Variants in JAK2 observed in about 807,000 individuals in gnomAD.
JAK2 encodes the protein tyrosine-protein kinase JAK2.
Under a neutral mutation model 139.3 loss-of-function variants are expected in JAK2, and 86 were observed. The ratio of observed to expected loss-of-function variants is 0.62; its 90% CI spans 0.52 to 0.74. The LOEUF (loss-of-function observed/expected upper bound fraction) is 0.74. JAK2 is among the 30% of genes least tolerant of loss of function. JAK2 has a pLI of 0.00. For missense variants in JAK2, 1,421 were observed against 1,360.3 expected (o/e 1.04, Z -0.70); for synonymous variants, 490 against 437.7 (o/e 1.12, Z -1.49).
intron 22 of JAK2, chr9:5,097,014 A>G (rs532551024): frequency 2.0e-5 from 3 of 152,212 alleles, no homozygotes; most frequent in Admixed American, 2.0e-4. Flanking sequence ...TTGCATCCTC[A>G]ATAGAAGCCG....
chr9:5,033,264 G>A (rs955590813), intron 4 of JAK2, among the ~76,000 whole-genome samples: 4 of 152,188 alleles, frequency 2.6e-5, no homozygotes, highest in South Asian at 2.1e-4. Context: ...CCAAATCTAC[G>A]TCTCATTGGT....
chr9:5,020,006 T>A (rs1416952402), intron 2 of JAK2, among the ~76,000 whole-genome samples: 1 of 152,116 alleles, frequency 6.6e-6, no homozygotes, highest in Non-Finnish European at 1.5e-5. Flanking sequence ...GGCAGTCCAA[T>A]TTTTGGGTCT....
At chr9:5,004,264 T>C (rs540311304) in intron 2 of JAK2, among the ~76,000 whole-genome samples, 1 of 152,286 alleles carries the variant, frequency 6.6e-6, no homozygotes, top group Non-Finnish European at 1.5e-5. Context: ...TCGTATCCTT[T>C]GACCAACGTC....
At chr9:5,017,579 G>C (rs960430231) in intron 2 of JAK2, among the ~76,000 whole-genome samples, 1 of 151,904 alleles carries the variant, frequency 6.6e-6, no homozygotes, top group African/African-American at 2.4e-5. Flanking sequence ...ATGTAATGTT[G>C]TTTGACATCT....
At position 5,094,511 on chromosome 9, in the gene JAK2, T is replaced by A. The variant is rs1346989252; in HGVS notation, c.3059+3600T>A. The stretch of plus-strand genomic sequence containing the variant: ...CAGACAATTTCATATGAAGTCACCC[T>A]AGCCATTATCCTGCTATCACTACTA... On this transcript the variant is annotated intron_variant, in intron 22 of 24. Transcript: ENST00000381652. The A allele has an allele frequency of 4.6e-5, 7 of 152,332 alleles. No individual in the cohort carries two copies. In the East Asian group the frequency reaches 1.3e-3, roughly 29 times the overall value. The allele number at this position is 152,332 out of a possible 1,614,324, so 9.4% of individuals were successfully genotyped here.
chr9:5,014,744 T>C (rs968250871), intron 2 of JAK2, among the ~76,000 whole-genome samples: 13 of 152,304 alleles, frequency 8.5e-5, no homozygotes, highest in African/African-American at 2.9e-4. Context: ...ATGTAACTTA[T>C]ATGAGAGTTA....
intron 22 of JAK2, among the ~76,000 whole-genome samples, chr9:5,118,665 G>A (rs755054145): frequency 2.6e-5 from 4 of 152,110 alleles, no homozygotes; most frequent in Admixed American, 1.3e-4. Context: ...AGATGTAAAC[G>A]CTGAGAAAAC....
intron 19 of JAK2, among the ~76,000 whole-genome samples, chr9:5,084,666 T>C (rs1338149547): frequency 6.6e-6 from 1 of 152,192 alleles, no homozygotes; most frequent in Non-Finnish European, 1.5e-5. Flanking sequence ...CATGCCCACA[T>C]ATACTTATAT....
intron 8 of JAK2, among the ~76,000 whole-genome samples, chr9:5,057,669 G>C (rs1817865379): frequency 6.8e-6 from 1 of 147,344 alleles, no homozygotes; most frequent in African/African-American, 2.5e-5. Context: ...TGTAACCTGT[G>C]CCTCCTGGGT....
chr9:5,084,352 T>C (rs1409534405), intron 19 of JAK2, among the ~76,000 whole-genome samples: 3 of 152,170 alleles, frequency 2.0e-5, no homozygotes, highest in Non-Finnish European at 4.4e-5. Flanking sequence ...TGTACTGCCT[T>C]ACTGAAACAA....
intron 2 of JAK2, among the ~76,000 whole-genome samples, chr9:5,015,337 C>G (rs1821972457): frequency 6.6e-6 from 1 of 152,062 alleles, no homozygotes; most frequent in South Asian, 2.1e-4. Flanking sequence ...CCTGGGTATC[C>G]TAAAAACCTA....
At chr9:5,031,556 G>C (rs530879278) in intron 4 of JAK2, among the ~76,000 whole-genome samples, 1 of 152,202 alleles carries the variant, frequency 6.6e-6, no homozygotes, top group East Asian at 1.9e-4. Context: ...ATGTATATCA[G>C]ATAAATTATA....
At chr9:5,093,926 G>C (rs1338314890) in intron 22 of JAK2, among the ~76,000 whole-genome samples, 1 of 152,090 alleles carries the variant, frequency 6.6e-6, no homozygotes, top group Non-Finnish European at 1.5e-5. Flanking sequence ...TAGTATGAAA[G>C]GACAAGAGAA....
chr9:5,076,048 G>A (rs571546929), intron 14 of JAK2, among the ~76,000 whole-genome samples: 5 of 152,280 alleles, frequency 3.3e-5, no homozygotes, highest in African/African-American at 9.6e-5. Flanking sequence ...GAACTAAGAA[G>A]TGGAGCTTGA....
chr9:5,045,462 G>T (rs1816938108), intron 5 of JAK2, among the ~76,000 whole-genome samples: 1 of 152,250 alleles, frequency 6.6e-6, no homozygotes, highest in East Asian at 1.9e-4. Flanking sequence ...GTACAGTTCA[G>T]TTGTATTAAG....
Position 5,081,809 on chromosome 9 carries a change from A to T in JAK2, c.2519A>T (p.Asp840Val). ...LGFSGAFEDR[D>V]PTQFEERHLK... ...TTTTCTGGTGCCTTTGAAGACCGGG[A>T]TCCTACACAGTTTGAAGAGAGACAT... is the stretch of plus-strand genomic sequence containing the variant. Residue 840 changes from aspartate to valine, a missense_variant, in exon 19 of 25, where the codon GAT becomes GTT. Coordinates refer to ENST00000381652, the MANE Select transcript of JAK2 (RefSeq NM_004972.4). 3 of 1,613,338 alleles carry T rather than the reference A, an allele frequency of 1.9e-6. No individual in the cohort carries two copies. Among genetic ancestry groups the T allele is most frequent in the Non-Finnish European group, 2.5e-6 (3 of 1,179,278 alleles).
chr9:4,986,337 G>C (rs953379644), intron 2 of JAK2, among the ~76,000 whole-genome samples: 9 of 152,212 alleles, frequency 5.9e-5, no homozygotes, highest in Non-Finnish European at 1.5e-5. Flanking sequence ...TTAAAGAGGA[G>C]TATTTCCAAG....
At chr9:5,010,145 A>G (rs1278149238) in intron 2 of JAK2, among the ~76,000 whole-genome samples, 1 of 152,114 alleles carries the variant, frequency 6.6e-6, no homozygotes, top group African/African-American at 2.4e-5. Context: ...TCTTCCTGGA[A>G]TTACTGTAAA....
chr9:5,033,506 C>T (rs1025563952), intron 4 of JAK2, among the ~76,000 whole-genome samples: 2 of 152,132 alleles, frequency 1.3e-5, no homozygotes, highest in Non-Finnish European at 2.9e-5. Flanking sequence ...TTGGGTAACC[C>T]ACAAAGGGAA....
Sources: gnomAD v4.1 joint callset for allele counts (sites outside exome capture counted in the v4.1 genomes callset) on GRCh38, gnomAD v4.1.1 for gene constraint, MANE v1.5 for transcripts, NCBI Gene and HGNC (gene_info 2026-07-23, HGNC 2026-07-21) for gene names.